Variants in MDGA2 observed in about 807,000 individuals in gnomAD.
MDGA2 encodes the protein MAM domain-containing glycosylphosphatidylinositol anchor protein 2.
A neutral mutation model predicts 117.8 loss-of-function variants in MDGA2; 40 were observed. The ratio of observed to expected loss-of-function variants is 0.34; its 90% confidence interval spans 0.26 to 0.44. The LOEUF (loss-of-function observed/expected upper bound fraction) is 0.44, where lower values mean the gene tolerates loss of function less well. MDGA2 is among the 20% of genes least tolerant of loss of function. The pLI is 1.00. For missense variants in MDGA2, 1,123 were observed against 1,250.6 expected, an observed-to-expected ratio of 0.90 and a Z score of 1.54; for synonymous variants, 452 against 439.0, an observed-to-expected ratio of 1.03 and a Z score of -0.37.
intron 8 of MDGA2, among the ~76,000 whole-genome samples, chr14:46,968,848 A>C (rs1029623264): frequency 6.6e-6 from 1 of 152,070 alleles, no homozygotes; most frequent in Non-Finnish European, 1.5e-5. Context: ...AAAAAAAAAA[A>C]AAACAAATCC....
chr14:46,956,045 TCCTA>T (rs1437338360), intron 9 of MDGA2, among the ~76,000 whole-genome samples: 2 of 152,122 alleles, frequency 1.3e-5, no homozygotes, highest in Non-Finnish European at 2.9e-5. Flanking sequence ...TGATATGCTT[TCCTA>T]GATTAGACTA....
chr14:47,359,962 G>T (rs1400870798), intron 1 of MDGA2, among the ~76,000 whole-genome samples: 2 of 152,044 alleles, frequency 1.3e-5, no homozygotes, highest in Admixed American at 6.6e-5. Flanking sequence ...AAAAGTATTT[G>T]TGAACCATAT....
At chr14:47,523,576 C>A (rs1894913369) in intron 1 of MDGA2, among the ~76,000 whole-genome samples, 1 of 151,994 alleles carries the variant, frequency 6.6e-6, no homozygotes, top group South Asian at 2.1e-4. Context: ...GATATAAATT[C>A]AAATGAAACT....
chr14:47,144,159 C>G lies in MDGA2; in HGVS notation c.711G>C (p.Arg237=), dbSNP rs368024254. 69 of 1,551,126 alleles carry G rather than the reference C, an allele frequency of 4.4e-5. No individual in the cohort carries two copies. The highest frequency in any genetic ancestry group is 5.8e-5 in the Non-Finnish European group (66 of 1,146,754). Residue 237 remains arginine, a synonymous_variant, in exon 4 of 17, where the codon CGG becomes CGC. Coordinates refer to ENST00000399232, the MANE Select transcript of MDGA2 (RefSeq NM_001113498.3). ...RCVANSNPPV[R]YSWRRGQEVL... is the part of the protein sequence containing the mutation. ...CCTCCTGGCCACGTCTCCAGCTATA[C>G]CGAACAGGAGGATTGGAATTGGCAA... is the stretch of plus-strand genomic sequence containing the variant.
intron 1 of MDGA2, among the ~76,000 whole-genome samples, chr14:47,403,256 T>C (rs1287278069): frequency 6.6e-6 from 1 of 152,216 alleles, no homozygotes; most frequent in Non-Finnish European, 1.5e-5. Context: ...TTTTCTTTTC[T>C]TAACCAAATT....
intron 1 of MDGA2, among the ~76,000 whole-genome samples, chr14:47,549,635 C>T (rs1895542064): frequency 6.6e-6 from 1 of 152,156 alleles, no homozygotes; most frequent in African/African-American, 2.4e-5. Flanking sequence ...TTCAATGTGA[C>T]TGTATTTGGA....
intron 6 of MDGA2, among the ~76,000 whole-genome samples, chr14:47,076,560 A>ATGTGTG (rs145260703): frequency 1.2e-3 from 175 of 147,164 alleles, no homozygotes; most frequent in Non-Finnish European, 1.7e-3. Context: ...AGTGTGTGTT[A>ATGTGTG]TGTGTGTGTG....
intron 1 of MDGA2, among the ~76,000 whole-genome samples, chr14:47,545,947 G>GC (rs1895454340): frequency 6.6e-6 from 1 of 152,094 alleles, no homozygotes; most frequent in Admixed American, 6.6e-5. Flanking sequence ...AGTATGCAGT[G>GC]CTGTGCTAAG....
intron 8 of MDGA2, among the ~76,000 whole-genome samples, chr14:46,961,746 C>A (rs1198618665): frequency 6.6e-6 from 1 of 151,842 alleles, no homozygotes; most frequent in Non-Finnish European, 1.5e-5. Context: ...AGGTTCACGC[C>A]ATTCTCCTGC....
intron 1 of MDGA2, among the ~76,000 whole-genome samples, chr14:47,421,809 C>T (rs1473562321): frequency 6.6e-6 from 1 of 152,018 alleles, no homozygotes; most frequent in Non-Finnish European, 1.5e-5. Context: ...ATTATACTTC[C>T]TAAATGTTCT....
chr14:47,506,606 C>G (rs1894517822), intron 1 of MDGA2, among the ~76,000 whole-genome samples: 1 of 152,244 alleles, frequency 6.6e-6, no homozygotes. Flanking sequence ...CAGGCCTGTC[C>G]TGTGCTGTCC....
intron 1 of MDGA2, among the ~76,000 whole-genome samples, chr14:47,536,836 C>G (rs1895221620): frequency 6.6e-6 from 1 of 152,126 alleles, no homozygotes; most frequent in Non-Finnish European, 1.5e-5. Flanking sequence ...GTTAAATAAC[C>G]AATAGTTTTA....
intron 7 of MDGA2, among the ~76,000 whole-genome samples, chr14:47,055,002 CTTTTTTTT>C (rs10640408): frequency 3.2e-5 from 4 of 125,674 alleles, no homozygotes; most frequent in South Asian, 2.5e-4. Flanking sequence ...TTTTTCTTTT[CTTTTTTTT>C]TTTTTTTTTC....
At chr14:47,594,831 A>G (rs1896505617) in intron 1 of MDGA2, among the ~76,000 whole-genome samples, 1 of 152,220 alleles carries the variant, frequency 6.6e-6, no homozygotes, top group Non-Finnish European at 1.5e-5. Context: ...AATGGAGCCA[A>G]AAAGCATCTT....
At chr14:47,069,180 T>G (rs902513779) in intron 6 of MDGA2, among the ~76,000 whole-genome samples, 1 of 152,218 alleles carries the variant, frequency 6.6e-6, no homozygotes, top group African/African-American at 2.4e-5. Context: ...TGTGCTGGGT[T>G]TCACTGATGC....
chr14:47,152,266 C>T (rs1883191091), intron 3 of MDGA2, among the ~76,000 whole-genome samples: 1 of 152,048 alleles, frequency 6.6e-6, no homozygotes, highest in African/African-American at 2.4e-5. Flanking sequence ...TCTTTGTATA[C>T]CTATAAGAAT....
chr14:47,388,237 A>G (rs980448912), intron 1 of MDGA2, among the ~76,000 whole-genome samples: 2 of 152,200 alleles, frequency 1.3e-5, no homozygotes, highest in Admixed American at 1.3e-4. Context: ...AAATAACGGT[A>G]TAAGTGATTT....
chr14:47,503,919 A>T (rs1252192872), intron 1 of MDGA2, among the ~76,000 whole-genome samples: 1 of 152,160 alleles, frequency 6.6e-6, no homozygotes, highest in African/African-American at 2.4e-5. Flanking sequence ...GTGAATGCTT[A>T]GTCCTAGCTT....
At position 47,561,153 on chromosome 14, in the gene MDGA2, G is replaced by GGTTTTTTTTTTTTTTTTTTTTTTTTTTTT. The variant is rs1895797132; in HGVS notation, c.280+113363_280+113364insAAAAAAAAAAAAAAAAAAAAAAAAAAAAC. Reference sequence around the variant, plus strand: ...TACCTCTATCTTTGTTTTTTTTTTTGTTTTGTTTTGTTTTTTTGTTTGTTT... The same window carrying GGTTTTTTTTTTTTTTTTTTTTTTTTTTTT: ...TACCTCTATCTTTGTTTTTTTTTTTGGTTTTTTTTTTTTTTTTTTTTTTTTTTTTTTTTGTTTTGTTTTTTTGTTTGTTT... On this transcript the variant is annotated intron_variant, in intron 1 of 16. Transcript: ENST00000399232. Among the ~76,000 whole-genome samples the GGTTTTTTTTTTTTTTTTTTTTTTTTTTTT allele has an allele frequency of 4.2e-4, 27 of 63,898 alleles. 4 individuals are homozygous for GGTTTTTTTTTTTTTTTTTTTTTTTTTTTT. The highest frequency in any genetic ancestry group is 1.4e-3 in the East Asian group (1 of 694). The allele number at this position is 63,898 out of a possible 152,430, so 41.9% of individuals were successfully genotyped here.
Sources: gnomAD v4.1 joint callset for allele counts (sites outside exome capture counted in the v4.1 genomes callset) on GRCh38, gnomAD v4.1.1 for gene constraint, MANE v1.5 for transcripts, NCBI Gene and HGNC (gene_info 2026-07-23, HGNC 2026-07-21) for gene names.